The following OGDH variants were observed in gnomAD, a reference collection of about 807,000 sequenced individuals.
OGDH encodes oxoglutarate dehydrogenase, also known as 2-oxoglutarate dehydrogenase complex component E1.
In OGDH, 38 loss-of-function variants were observed where a neutral mutation model predicts 116.6. That is an observed-to-expected ratio of 0.33 (90% CI 0.25 to 0.43). The LOEUF (loss-of-function observed/expected upper bound fraction) is 0.43, where lower values mean the gene tolerates loss of function less well. Among genes scored for constraint, OGDH ranks in the 20% least tolerant of loss-of-function variants. OGDH has a pLI of 1.00. For missense variants in OGDH, 825 were observed against 1,357.2 expected (o/e 0.61, Z 6.16); for synonymous variants, 488 against 533.3 (o/e 0.92, Z 1.17).
At chr7:44,695,727 G>A (rs1231174443) in intron 12 of OGDH, among the ~76,000 whole-genome samples, 2 of 151,504 alleles carry the variant, frequency 1.3e-5, no homozygotes, top group Non-Finnish European at 2.9e-5. Context: ...AAGTGGTGAA[G>A]GGTTAGGGGT....
In OGDH at chr7:44,707,890, G is replaced by A; in HGVS notation, c.2963G>A (p.Arg988Gln). Residue 988 changes from arginine to glutamine, a missense_variant, in exon 23 of 23, where the codon CGG (arginine) becomes CAG (glutamine). Physicochemically the swap from Arg to Gln is conservative, Grantham distance 43. Coordinates refer to ENST00000222673, the MANE Select transcript of OGDH (RefSeq NM_002541.4). The surrounding 1 kb of genome is among the most constrained non-coding windows in gnomAD (Gnocchi z 5.2). ...SRAKPVWYAG[R>Q]DPAAAPATGN... is the part of the protein sequence containing the mutation. ...CCTCCATCTCTCAGGTATGCCGGCC[G>A]GGACCCAGCGGCTGCTCCAGCCACC... is the stretch of plus-strand genomic sequence containing the variant. 4 of 1,613,316 alleles carry A rather than the reference G, an allele frequency of 2.5e-6. No individual in the cohort carries two copies. Among genetic ancestry groups the A allele is most frequent in the South Asian group, 1.1e-5 (1 of 91,010 alleles).
At chr7:44,658,543 G>C (rs1786797067) in intron 4 of OGDH, among the ~76,000 whole-genome samples, 2 of 144,580 alleles carry the variant, frequency 1.4e-5, no homozygotes, top group African/African-American at 5.1e-5. Context: ...TTCCCAATCT[G>C]TGTGCCTTTT....
intron 4 of OGDH, among the ~76,000 whole-genome samples, chr7:44,659,469 CTCT>C (rs1786840682): frequency 6.6e-6 from 1 of 152,278 alleles, no homozygotes; most frequent in South Asian, 2.1e-4. Flanking sequence ...TTGGTGTTAA[CTCT>C]TCTTCAAATA....
At chr7:44,626,336 TACACACACACAC>T (rs138545641) in intron 2 of OGDH, among the ~76,000 whole-genome samples, 4 of 144,304 alleles carry the variant, frequency 2.8e-5, no homozygotes, top group Non-Finnish European at 6.1e-5. Flanking sequence ...CACACACCCC[TACACACACACAC>T]ACACACACAC....
intron 3 of OGDH, among the ~76,000 whole-genome samples, chr7:44,646,196 G>C (rs1229135725): frequency 2.0e-5 from 3 of 152,224 alleles, no homozygotes; most frequent in African/African-American, 7.2e-5. Flanking sequence ...ATCTGTGATA[G>C]TTCTAAGGAC....
Position 44,707,728 on chromosome 7 carries a change from G to T in OGDH, c.2943G>T (p.Lys981Asn). Residue 981 changes from lysine to asparagine, a missense_variant, in exon 22 of 23, where the codon AAG (lysine) becomes AAT (asparagine). By Grantham distance (94) the Lys-to-Asn change is moderately conservative (BLOSUM62 0). This residue lies in a region of OGDH where 212 missense variants were observed against 284.3 expected (regional missense o/e 0.75). Coordinates refer to ENST00000222673, the MANE Select transcript of OGDH (RefSeq NM_002541.4). This position sits in a 1 kb window ranked among gnomAD's most constrained non-coding sequence, Gnocchi z 5.2. ...TTCGGACCACCATCAGCCGCGCCAA[G>T]CCCGTCTGGTAAGGCTTCAGTCCCT... ...PRLRTTISRA[K>N]PVWYAGRDPA... 1.2e-6 allele frequency: 2 copies of T among 1,614,150 alleles called. No homozygotes were observed. Among genetic ancestry groups the T allele is most frequent in the Non-Finnish European group, 1.7e-6 (2 of 1,180,038 alleles).
At position 44,635,451 on chromosome 7, in the gene OGDH, G is replaced by T. The variant is rs554875565; in HGVS notation, c.223-9876G>T. On this transcript the variant is annotated intron_variant, in intron 2 of 22. Coordinates refer to ENST00000222673, the MANE Select transcript of OGDH (RefSeq NM_002541.4). ...CGGAGCCTGCCCCACCCGCGCCGCG[G>T]ATTATTTAGACAAGGTGGCAGTAAT... Among the ~76,000 whole-genome samples the T allele has an allele frequency of 1.3e-3, 199 of 152,278 alleles. 1 individual carries two copies. Among genetic ancestry groups the T allele is most frequent in the African/African-American group, 4.6e-3 (192 of 41,566 alleles).
chr7:44,650,203 G>C lies in OGDH; in HGVS notation c.517+2444G>C, dbSNP rs565928151. On this transcript the variant is annotated intron_variant, in intron 4 of 22. Coordinates refer to ENST00000222673, the MANE Select transcript of OGDH (RefSeq NM_002541.4). The stretch of plus-strand genomic sequence containing the variant: ...TAAACTTGTTAAAACATTTGTATCT[G>C]TAGGAAAATTGGTCTCGAACTCTCA... Among the ~76,000 whole-genome samples, 66 of 152,324 alleles carry C rather than the reference G, an allele frequency of 4.3e-4. 1 individual carries two copies. Among genetic ancestry groups the C allele is most frequent in the African/African-American group, 1.5e-3 (64 of 41,580 alleles).
At chr7:44,659,074 G>T (rs1332172144) in intron 4 of OGDH, among the ~76,000 whole-genome samples, 2 of 152,116 alleles carry the variant, frequency 1.3e-5, no homozygotes, top group South Asian at 2.1e-4. Flanking sequence ...CCGACCTCAG[G>T]TGATCTGCCC....
chr7:44,624,300 T>G lies in OGDH; in HGVS notation c.-27-17T>G, dbSNP rs1220812856. 8.0e-7 allele frequency: 1 copy of G among 1,245,286 alleles called. No individual in the cohort carries two copies. Among genetic ancestry groups the G allele is most frequent in the Non-Finnish European group, 1.1e-6 (1 of 928,782 alleles). The allele number at this position is 1,245,286 out of a possible 1,614,324, so 77.1% of individuals were successfully genotyped here. On this transcript the variant is annotated splice_polypyrimidine_tract_variant and intron_variant, in intron 1 of 22. Transcript: ENST00000222673. The stretch of plus-strand genomic sequence containing the variant: ...AAAACCTTTCTTTCTTGTTTTTTTT[T>G]TTTTTTTTTTGTACAGGCAGTTGTG...
At chr7:44,659,609 G>C (rs1160276039) in intron 4 of OGDH, among the ~76,000 whole-genome samples, 1 of 152,144 alleles carries the variant, frequency 6.6e-6, no homozygotes, top group Non-Finnish European at 1.5e-5. Flanking sequence ...TATTGGGTGA[G>C]TAATGGTAGT....
chr7:44,629,690 G>A lies in OGDH; in HGVS notation c.222+5125G>A, dbSNP rs141213113. Among the ~76,000 whole-genome samples the A allele has an allele frequency of 3.6e-3, 532 of 146,750 alleles. 4 individuals carry two copies. Among genetic ancestry groups the A allele is most frequent in the African/African-American group, 0.013 (517 of 39,298 alleles). ...CGCTTCCTGGGTTCAAGCAATTCTC[G>A]TACCTCAGTCTCCCAGCTAGCTGGG... On this transcript the variant is annotated intron_variant, in intron 2 of 22. Transcript: ENST00000222673.
At chr7:44,619,037 A>G (rs1784909844) in intron 1 of OGDH, among the ~76,000 whole-genome samples, 1 of 152,222 alleles carries the variant, frequency 6.6e-6, no homozygotes, top group South Asian at 2.1e-4. Flanking sequence ...AAAAGGCCCA[A>G]GAGGATGGGG....
chr7:44,625,211 G>A lies in OGDH; in HGVS notation c.222+646G>A, dbSNP rs190203197. On this transcript the variant is annotated intron_variant, in intron 2 of 22. Transcript: ENST00000222673. ...GGGATCTCGGCTTGCTGCAACCTCC[G>A]ACTCCTGGGTTCAAGTGATTCTTAT... Among the ~76,000 whole-genome samples, 9 of 152,116 alleles carry A rather than the reference G, an allele frequency of 5.9e-5. No homozygotes were observed. The East Asian group carries it at 7.7e-4, about 13-fold the overall frequency.
intron 5 of OGDH, among the ~76,000 whole-genome samples, chr7:44,672,013 G>C (rs577412405): frequency 1.4e-3 from 209 of 152,130 alleles, no homozygotes; most frequent in Middle Eastern, 6.8e-3. Flanking sequence ...AGCTTGCAGT[G>C]AGCCGAGATT....
At chr7:44,616,808 C>CATAT (rs201946144) in intron 1 of OGDH, among the ~76,000 whole-genome samples, 1 of 136,088 alleles carries the variant, frequency 7.3e-6, no homozygotes, top group Non-Finnish European at 1.6e-5. Flanking sequence ...TATATATATG[C>CATAT]ATATATACGT....
intron 4 of OGDH, among the ~76,000 whole-genome samples, chr7:44,662,566 G>A (rs1297882612): frequency 1.3e-5 from 2 of 151,148 alleles, no homozygotes; most frequent in African/African-American, 2.4e-5. Flanking sequence ...GGGTTCAAGC[G>A]ATTCTTCTGC....
chr7:44,651,325 C>G (rs938665104), intron 4 of OGDH, among the ~76,000 whole-genome samples: 3 of 152,188 alleles, frequency 2.0e-5, no homozygotes, highest in African/African-American at 7.2e-5. Context: ...CCTGTCTTCA[C>G]TTCTCAGAAA....
chr7:44,707,464 C>A lies in OGDH; in HGVS notation c.2796+76C>A. 6.3e-7 allele frequency: 1 copy of A among 1,597,036 alleles called. No individual in the cohort carries two copies. ...CTGGTGCCTTCACAGAACAGCCTTG[C>A]TTGGGGTGTGGCCCTCAGGTTCCTG... is the stretch of plus-strand genomic sequence containing the variant. On this transcript the variant is annotated intron_variant, in intron 21 of 22. Transcript: ENST00000222673. This position sits in a 1 kb window ranked among gnomAD's most constrained non-coding sequence, Gnocchi z 5.2.
Sources: allele counts gnomAD v4.1 joint callset (sites outside exome capture counted in the v4.1 genomes callset), GRCh38; gene constraint gnomAD v4.1.1; regional missense constraint gnomAD v4.1.1; non-coding constraint Gnocchi (gnomAD v3.1); transcripts MANE v1.5; gene names NCBI Gene and HGNC (gene_info 2026-07-23, HGNC 2026-07-21).